PIK3C2G: variants seen among roughly 807,000 people sequenced by gnomAD.
PIK3C2G encodes the protein phosphatidylinositol-4-phosphate 3-kinase catalytic subunit type 2 gamma.
PIK3C2G carries 168 observed loss-of-function variants against 181.1 expected under a neutral mutation model. The ratio of observed to expected loss-of-function variants is 0.93; its 90% CI spans 0.82 to 1.05. PIK3C2G has a LOEUF of 1.05. Ranked by LOEUF, PIK3C2G falls within the 50% of genes least tolerant of loss-of-function variation. The pLI, the probability that PIK3C2G is intolerant of heterozygous loss-of-function variation, is 0.00. For missense variants in PIK3C2G, 1,869 were observed against 1,732.8 expected (o/e 1.08, Z -1.40); for synonymous variants, 573 against 592.2 (o/e 0.97, Z 0.47).
intron 16 of PIK3C2G, among the ~76,000 whole-genome samples, chr12:18,417,135 G>A (rs1209603580): frequency 6.6e-6 from 1 of 152,176 alleles, no homozygotes; most frequent in African/African-American, 2.4e-5. Context: ...TGTAGATGTG[G>A]TAGAACTTAT....
At chr12:18,264,899 C>A (rs1214755214) in intron 1 of PIK3C2G, among the ~76,000 whole-genome samples, 2 of 152,116 alleles carry the variant, frequency 1.3e-5, no homozygotes, top group African/African-American at 4.8e-5. Context: ...TCTGTCTTAC[C>A]AGACTAATAA....
chr12:18,426,605 C>G (rs1945829787), intron 18 of PIK3C2G, among the ~76,000 whole-genome samples: 1 of 152,146 alleles, frequency 6.6e-6, no homozygotes, highest in South Asian at 2.1e-4. Context: ...ATGTTTTACT[C>G]TCCTGAATGT....
chr12:18,576,605 C>G (rs1296759000), intron 29 of PIK3C2G, among the ~76,000 whole-genome samples: 1 of 152,116 alleles, frequency 6.6e-6, no homozygotes, highest in African/African-American at 2.4e-5. Flanking sequence ...AATAGGAAAG[C>G]AAGATATTGT....
intron 26 of PIK3C2G, among the ~76,000 whole-genome samples, chr12:18,561,955 A>T (rs1188694759): frequency 6.6e-6 from 1 of 152,082 alleles, no homozygotes; most frequent in Non-Finnish European, 1.5e-5. Flanking sequence ...AAGTTGAGCC[A>T]TAAGTGTTAA....
chr12:18,315,369 T>A (rs1950815691), intron 6 of PIK3C2G, among the ~76,000 whole-genome samples: 1 of 152,184 alleles, frequency 6.6e-6, no homozygotes, highest in South Asian at 2.1e-4. Context: ...ATATTAAACT[T>A]AAGATTCTTC....
intron 29 of PIK3C2G, among the ~76,000 whole-genome samples, chr12:18,579,120 G>A (rs1411496510): frequency 1.3e-5 from 2 of 151,980 alleles, no homozygotes; most frequent in Non-Finnish European, 2.9e-5. Flanking sequence ...CTGACACTAT[G>A]TGTAACACTC....
intron 26 of PIK3C2G, among the ~76,000 whole-genome samples, chr12:18,559,620 A>G (rs1162274348): frequency 1.3e-5 from 2 of 150,376 alleles, no homozygotes; most frequent in Admixed American, 6.7e-5. Flanking sequence ...CTTTCTTCCA[A>G]AAAAAAAGGT....
rs905871670 is a variant in PIK3C2G, at chr12:18,414,071, A to G, written c.2316-6870A>G. Reference sequence around the variant, plus strand: ...GTTCAGGAGCCCTTTTTGAAAAGGTATCAAGTTAAGCATAAATTCTCCAGA... The same window carrying G: ...GTTCAGGAGCCCTTTTTGAAAAGGTGTCAAGTTAAGCATAAATTCTCCAGA... On this transcript the variant is annotated intron_variant, in intron 16 of 32. Transcript: ENST00000538779. Among the ~76,000 whole-genome samples the G allele has an allele frequency of 2.0e-5, 3 of 152,258 alleles. No individual in the cohort carries two copies. The Middle Eastern group carries it at 0.01, about 518-fold the overall frequency.
chr12:18,683,171 A>G, the PIK3C2G span: 1 of 1,336,402 alleles, frequency 7.5e-7, no homozygotes, highest in Non-Finnish European at 1.1e-6. Context: ...AAAAGAAAAC[A>G]TAAAGACATT....
chr12:18,397,832 C>G (rs1201906043), intron 15 of PIK3C2G, among the ~76,000 whole-genome samples: 1 of 151,956 alleles, frequency 6.6e-6, no homozygotes, highest in Admixed American at 6.6e-5. Flanking sequence ...ATCACAGCAC[C>G]TTTATTCATA....
chr12:18,667,634 C>T, the PIK3C2G span, among the ~76,000 whole-genome samples: 53 of 152,208 alleles, frequency 3.5e-4, no homozygotes, highest in East Asian at 8.3e-3. Context: ...AAGGAGTTAG[C>T]GTTTATTGAA....
At chr12:18,598,020 T>C (rs371408227) in intron 30 of PIK3C2G, among the ~76,000 whole-genome samples, 41 of 151,822 alleles carry the variant, frequency 2.7e-4, no homozygotes, top group African/African-American at 8.5e-4. Flanking sequence ...AATGGAAGAA[T>C]ATTCCATGCT....
intron 8 of PIK3C2G, among the ~76,000 whole-genome samples, 165 bp downstream of exon 8, chr12:18,325,263 G>T (rs1414131810): frequency 1.3e-5 from 2 of 152,158 alleles, no homozygotes; most frequent in Non-Finnish European, 2.9e-5. Context: ...AACTAGAAAG[G>T]CATATGCAGT....
Position 18,497,691 on chromosome 12 carries a change from G to A in PIK3C2G, c.2959G>A (p.Glu987Lys). 6.2e-7 allele frequency: 1 copy of A among 1,612,454 alleles called. No homozygotes were observed. The highest frequency in any genetic ancestry group is 8.5e-7 in the Non-Finnish European group (1 of 1,178,706). ...AGTGATGGACAATATTTGGCTGCAG[G>A]AAGGCTTGGATATGCAAATGATCAT... The part of the protein sequence containing the change: ...IQVMDNIWLQ[E>K]GLDMQMIIYR... Residue 987 changes from glutamate to lysine, a missense_variant, in exon 22 of 33, where the codon GAA becomes AAA. Glu to Lys is a moderately conservative substitution (Grantham distance 56, BLOSUM62 1). Coordinates refer to ENST00000538779, the MANE Select transcript of PIK3C2G (RefSeq NM_001288772.2).
intron 5 of PIK3C2G, among the ~76,000 whole-genome samples, chr12:18,303,143 CT>C (rs760499769): frequency 6.5e-4 from 34 of 52,252 alleles, no homozygotes; most frequent in African/African-American, 2.1e-3. Context: ...TCTTTCTTTT[CT>C]TTTCTTTCTT....
chr12:18,296,954 C>G (rs7978843), intron 5 of PIK3C2G, among the ~76,000 whole-genome samples: 56,962 of 151,872 alleles, frequency 0.38, 10,881 homozygotes, highest in Admixed American at 0.42. Context: ...TCATCATGTT[C>G]CTGTTCTTTA....
intron 30 of PIK3C2G, among the ~76,000 whole-genome samples, chr12:18,598,458 G>A (rs1947504350): frequency 1.3e-5 from 2 of 151,612 alleles, no homozygotes; most frequent in African/African-American, 4.9e-5. Context: ...GTAGAAAGCT[G>A]AAACTGGAAC....
chr12:18,620,347 T>A (rs1484935773), intron 31 of PIK3C2G, among the ~76,000 whole-genome samples: 1 of 152,174 alleles, frequency 6.6e-6, no homozygotes, highest in South Asian at 2.1e-4. Flanking sequence ...TCTTTATTTC[T>A]AGTAGTATTT....
chr12:18,428,282 G>A (rs1431941839), intron 18 of PIK3C2G, among the ~76,000 whole-genome samples: 1 of 145,990 alleles, frequency 6.8e-6, no homozygotes, highest in African/African-American at 2.5e-5. Flanking sequence ...CCCATCTCAC[G>A]ATTCATGAAA....
Sources: gnomAD v4.1 joint callset for allele counts (sites outside exome capture counted in the v4.1 genomes callset) on GRCh38, gnomAD v4.1.1 for gene constraint, MANE v1.5 for transcripts, NCBI Gene and HGNC (gene_info 2026-07-23, HGNC 2026-07-21) for gene names.